The following VAV3 variants were observed in gnomAD, a reference collection of about 807,000 sequenced individuals.
VAV3 encodes guanine nucleotide exchange factor VAV3.
A neutral mutation model predicts 131.2 loss-of-function variants in VAV3; 94 were observed. The observed-to-expected ratio is 0.72, with a 90% CI of 0.61 to 0.85. The LOEUF is 0.85. Ranked by LOEUF, VAV3 falls within the 40% of genes least tolerant of loss-of-function variation. The pLI is 0.00. For missense variants in VAV3, 939 were observed against 1,002.7 expected (o/e 0.94, Z 0.86); for synonymous variants, 349 against 342.0 (o/e 1.02, Z -0.22).
intron 2 of VAV3, among the ~76,000 whole-genome samples, chr1:107,825,704 C>T (rs891589826): frequency 6.6e-6 from 1 of 152,126 alleles, no homozygotes; most frequent in Non-Finnish European, 1.5e-5. Flanking sequence ...ATAAAATAGC[C>T]TCTCACAAAA....
intron 1 of VAV3, among the ~76,000 whole-genome samples, chr1:107,952,035 GC>G (rs1674561808): frequency 1.3e-5 from 2 of 152,104 alleles, no homozygotes; most frequent in South Asian, 4.1e-4. Context: ...GTTCACTACA[GC>G]ACTATTCACA....
intron 17 of VAV3, 94 bp from the exon 18 acceptor site, chr1:107,688,500 G>A: frequency 3.2e-6 from 5 of 1,586,752 alleles, no homozygotes; most frequent in East Asian, 2.3e-5. Flanking sequence ...AAACACCACT[G>A]CTTTGTTTTC....
intron 2 of VAV3, among the ~76,000 whole-genome samples, chr1:107,868,568 A>T (rs550196366): frequency 6.6e-6 from 1 of 152,276 alleles, no homozygotes; most frequent in Admixed American, 6.5e-5. Flanking sequence ...GATCGATGAT[A>T]TTTCTGGAAT....
At chr1:107,708,160 G>T (rs1660564252) in intron 15 of VAV3, among the ~76,000 whole-genome samples, 1 of 151,974 alleles carries the variant, frequency 6.6e-6, no homozygotes, top group African/African-American at 2.4e-5. Flanking sequence ...AAAGAAGTGA[G>T]ATTTTATACA....
At chr1:107,841,259 AAAGTT>A (rs2100922632) in intron 2 of VAV3, among the ~76,000 whole-genome samples, 1 of 152,298 alleles carries the variant, frequency 6.6e-6, no homozygotes, top group Non-Finnish European at 1.5e-5. Flanking sequence ...TGTCCTCAAC[AAAGTT>A]CATATTCTGG....
chr1:107,681,294 C>T (rs552955587), intron 19 of VAV3, among the ~76,000 whole-genome samples: 1 of 152,246 alleles, frequency 6.6e-6, no homozygotes, highest in South Asian at 2.1e-4. Context: ...GCAAATAATG[C>T]ATTGTGGAAG....
intron 2 of VAV3, among the ~76,000 whole-genome samples, chr1:107,780,369 A>C (rs1665623864): frequency 6.6e-6 from 1 of 152,210 alleles, no homozygotes; most frequent in African/African-American, 2.4e-5. Context: ...ATTCCTTATA[A>C]AGATCTTCAG....
intron 1 of VAV3, among the ~76,000 whole-genome samples, chr1:107,939,934 C>T (rs1026581362): frequency 5.3e-5 from 8 of 152,046 alleles, no homozygotes; most frequent in Non-Finnish European, 1.0e-4. Flanking sequence ...GTGAGGTGCT[C>T]TCCAGATGTA....
chr1:107,928,696 ACAGT>A (rs1281456679), intron 1 of VAV3, among the ~76,000 whole-genome samples: 2 of 152,222 alleles, frequency 1.3e-5, no homozygotes. Context: ...CTGAAAATAC[ACAGT>A]CAGAGGAGGC....
At chr1:107,685,242 G>T (rs1658935118) in intron 18 of VAV3, among the ~76,000 whole-genome samples, 1 of 152,140 alleles carries the variant, frequency 6.6e-6, no homozygotes, top group Non-Finnish European at 1.5e-5. Flanking sequence ...TAAGAGAATG[G>T]ATTCTAGAAT....
At chr1:107,964,624 A>C (rs1675328955) in intron 1 of VAV3, 42 bp downstream of exon 1, 1 of 1,592,674 alleles carries the variant, frequency 6.3e-7, no homozygotes, top group South Asian at 1.1e-5. Context: ...GATTAATGGG[A>C]GCTGCCGGCT....
chr1:107,758,240 G>T (rs1664223037), intron 10 of VAV3, among the ~76,000 whole-genome samples: 1 of 151,978 alleles, frequency 6.6e-6, no homozygotes, highest in Non-Finnish European at 1.5e-5. Flanking sequence ...CATCCTCATT[G>T]CCACTAATTA....
At chr1:107,797,960 C>T (rs890760376) in intron 2 of VAV3, among the ~76,000 whole-genome samples, 3 of 152,094 alleles carry the variant, frequency 2.0e-5, no homozygotes, top group Admixed American at 6.5e-5. Flanking sequence ...GGTCCAGGTA[C>T]CATATTTGAG....
chr1:107,771,838 G>A (rs1441170233), intron 5 of VAV3, among the ~76,000 whole-genome samples: 1 of 152,152 alleles, frequency 6.6e-6, no homozygotes, highest in Non-Finnish European at 1.5e-5. Flanking sequence ...GATGATATTC[G>A]GTCACCTAAA....
At chr1:107,608,623 G>T (rs1039694445) in intron 22 of VAV3, among the ~76,000 whole-genome samples, 5 of 152,154 alleles carry the variant, frequency 3.3e-5, no homozygotes, top group Non-Finnish European at 7.3e-5. Flanking sequence ...TATCAGGAAG[G>T]GTAGACAGTA....
intron 9 of VAV3, 36 bp from the exon 10 acceptor site, chr1:107,760,915 T>C (rs746783289): frequency 6.7e-7 from 1 of 1,501,022 alleles, no homozygotes; most frequent in Non-Finnish European, 9.2e-7. Flanking sequence ...TGTTAGGGAG[T>C]CATAAACATT....
intron 19 of VAV3, chr1:107,669,610 AG>A: frequency 9.1e-7 from 1 of 1,098,892 alleles, no homozygotes; most frequent in Non-Finnish European, 1.1e-6. Context: ...CTTGCACAAC[AG>A]GTTTTTTTGT....
chr1:107,898,703 A>G (rs535391840), intron 1 of VAV3, among the ~76,000 whole-genome samples: 1 of 152,346 alleles, frequency 6.6e-6, no homozygotes, highest in African/African-American at 2.4e-5. Flanking sequence ...GTATTTAAAA[A>G]TGTATCTCCT....
At chr1:107,630,463 T>G (rs1654381841) in intron 20 of VAV3, among the ~76,000 whole-genome samples, 2 of 152,134 alleles carry the variant, frequency 1.3e-5, no homozygotes, top group South Asian at 4.1e-4. Flanking sequence ...TTACTTCCAC[T>G]TGACAGATAA....
Sources: allele counts gnomAD v4.1 joint callset (sites outside exome capture counted in the v4.1 genomes callset), GRCh38; gene constraint gnomAD v4.1.1; transcripts MANE v1.5; gene names NCBI Gene and HGNC (gene_info 2026-07-23, HGNC 2026-07-21).